COQ5: variants seen among roughly 807,000 people sequenced by gnomAD.
COQ5 encodes coenzyme Q5, methyltransferase, also known as 2-methoxy-6-polyprenyl-1,4-benzoquinol methylase, mitochondrial.
In COQ5, 27 loss-of-function variants were observed where a neutral mutation model predicts 40.5. The ratio of observed to expected loss-of-function variants is 0.67; its 90% CI spans 0.49 to 0.92. The LOEUF (loss-of-function observed/expected upper bound fraction) is 0.92, where lower values mean the gene tolerates loss of function less well. Ranked by LOEUF, COQ5 falls within the 40% of genes least tolerant of loss-of-function variation. The pLI, the probability that COQ5 is intolerant of heterozygous loss-of-function variation, is 0.00. For synonymous variants in COQ5, 141 were observed against 150.0 expected (o/e 0.94, Z 0.44); for missense variants, 409 against 406.4 (o/e 1.01, Z -0.06).
chr12:120,529,065 A>G lies in COQ5; in HGVS notation c.77T>C (p.Leu26Pro). The G allele has an allele frequency of 6.2e-7, 1 of 1,614,148 alleles. No individual in the cohort carries two copies. Among genetic ancestry groups the G allele is most frequent in the Non-Finnish European group, 8.5e-7 (1 of 1,180,016 alleles). ...GWSRAMRGCQ[L>P]LGLRSSWPGD... ...GGGCCAAGAGCTACGAAGCCCGAGG[A>G]GCTGGCAGCCCCGCATCGCCCGCGA... The change falls in exon 1 of 7, where the codon CTC (leucine) becomes CCC (proline). Residue 26 changes from leucine to proline, a missense_variant. Leu to Pro is a moderately conservative substitution (Grantham distance 98). Coordinates refer to ENST00000288532, the MANE Select transcript of COQ5 (RefSeq NM_032314.4).
At chr12:120,510,158 G>A (rs768986390) in intron 3 of COQ5, 35 bp from the exon 4 acceptor site, 12 of 1,528,926 alleles carry the variant, frequency 7.8e-6, no homozygotes, top group South Asian at 1.1e-5. Context: ...TCTCAGTGTG[G>A]GTAGCTGTTT....
intron 2 of COQ5, among the ~76,000 whole-genome samples, chr12:120,520,796 C>T (rs979172741): frequency 6.6e-5 from 10 of 151,998 alleles, no homozygotes; most frequent in African/African-American, 2.2e-4. Context: ...ATCACCAAGA[C>T]GCATTGTGTA....
chr12:120,518,243 T>C (rs1200236199), intron 2 of COQ5, among the ~76,000 whole-genome samples: 1 of 151,952 alleles, frequency 6.6e-6, no homozygotes, highest in East Asian at 1.9e-4. Flanking sequence ...CTGGGTAACA[T>C]GGTGAAACTC....
rs1268314044 is a variant in COQ5, at chr12:120,504,998, GAAC to G, written c.682-18_682-16del. 1 of 1,607,048 alleles carries G rather than the reference GAAC, an allele frequency of 6.2e-7. No homozygotes were observed. Among genetic ancestry groups the G allele is most frequent in the Non-Finnish European group, 8.5e-7 (1 of 1,173,694 alleles). On this transcript the variant is annotated splice_polypyrimidine_tract_variant and intron_variant, in intron 4 of 6. Transcript: ENST00000288532. Reference sequence around the variant, plus strand: ...TCCTGGAGTGCCTGAGCAAGACAAGGAACAACAGGACACACTCCTCAGTAGACC... The same window carrying G: ...TCCTGGAGTGCCTGAGCAAGACAAGGAACAGGACACACTCCTCAGTAGACC...
intron 3 of COQ5, 84 bp downstream of exon 3, chr12:120,516,482 TA>T (rs1270438137): frequency 8.4e-7 from 1 of 1,183,520 alleles, no homozygotes; most frequent in African/African-American, 1.5e-5. Flanking sequence ...AGCCAAAAGA[TA>T]AAGCATTTCA....
At chr12:120,504,368 G>T (rs1383301301) in intron 5 of COQ5, among the ~76,000 whole-genome samples, 1 of 150,792 alleles carries the variant, frequency 6.6e-6, no homozygotes, top group Non-Finnish European at 1.5e-5. Context: ...CTCAAGTGAA[G>T]CTGGAAATTC....
chr12:120,505,410 T>C (rs1317892664), intron 4 of COQ5, among the ~76,000 whole-genome samples: 1 of 152,104 alleles, frequency 6.6e-6, no homozygotes, highest in Non-Finnish European at 1.5e-5. Flanking sequence ...TTTTTTGCAA[T>C]GGAGCCTTGC....
At chr12:120,517,516 C>CA (rs34585711) in intron 2 of COQ5, among the ~76,000 whole-genome samples, 36,407 of 127,518 alleles carry the variant, frequency 0.29, 5,612 homozygotes, top group Admixed American at 0.4. Flanking sequence ...TAAAAAAATA[C>CA]AAAAAAAAAA....
chr12:120,524,791 G>A (rs1412558977), intron 1 of COQ5, among the ~76,000 whole-genome samples: 2 of 151,734 alleles, frequency 1.3e-5, no homozygotes, highest in Non-Finnish European at 2.9e-5. Flanking sequence ...CTCAACCTTC[G>A]GATTTCCAAG....
chr12:120,526,611 G>A, intron 1 of COQ5: 1 of 267,354 alleles, frequency 3.7e-6, no homozygotes, highest in Non-Finnish European at 7.5e-6. Flanking sequence ...TAAAAACTTA[G>A]AAAGAAATAT....
intron 2 of COQ5, among the ~76,000 whole-genome samples, chr12:120,518,803 T>C (rs1459259561): frequency 6.6e-6 from 1 of 152,212 alleles, no homozygotes; most frequent in Non-Finnish European, 1.5e-5. Context: ...GACCTCGTGA[T>C]CCACACGCCT....
At chr12:120,511,429 C>G (rs1235821133) in intron 3 of COQ5, among the ~76,000 whole-genome samples, 3 of 152,038 alleles carry the variant, frequency 2.0e-5, no homozygotes, top group African/African-American at 4.8e-5. Flanking sequence ...CTCATACCAA[C>G]TCTGTGAGAG....
chr12:120,505,838 G>C (rs1231616735), intron 4 of COQ5, among the ~76,000 whole-genome samples: 2 of 150,722 alleles, frequency 1.3e-5, no homozygotes, highest in African/African-American at 2.4e-5. Flanking sequence ...TTACAGGTGT[G>C]AGCCACCGCA....
At position 120,503,385 on chromosome 12, in the gene COQ5, A is replaced by G. The variant is rs1342728215; in HGVS notation, c.*399T>C. On this transcript the variant is annotated 3_prime_UTR_variant, in exon 7 of 7. Coordinates refer to ENST00000288532, the MANE Select transcript of COQ5 (RefSeq NM_032314.4). ...AGGCTGAAAGGTTGATTCAGGTACA[A>G]TTAAATTTTCTGGTTAAAAATTGTC... 2 of 367,506 alleles carry G rather than the reference A, an allele frequency of 5.4e-6. No homozygotes were observed. Among genetic ancestry groups the G allele is most frequent in the African/African-American group, 2.1e-5 (1 of 47,092 alleles). The allele number at this position is 367,506 out of a possible 1,614,324, so 22.8% of individuals were successfully genotyped here. A position where few individuals can be genotyped will look rare whatever the true frequency, so the allele number is the denominator to read the frequency against.
At chr12:120,527,295 A>C (rs575750017) in intron 1 of COQ5, 1 of 151,952 alleles carries the variant, frequency 6.6e-6, no homozygotes, top group Non-Finnish European at 1.5e-5. Context: ...CACGTTGGCC[A>C]GGCTGGTCTC....
At position 120,503,561 on chromosome 12, in the gene COQ5, G is replaced by T; in HGVS notation, c.*223C>A. The stretch of plus-strand genomic sequence containing the variant: ...AAATTAGCAGTTGAGCAAAGATACA[G>T]ACCAAATGCCTCTGGGAGATGGACT... On this transcript the variant is annotated 3_prime_UTR_variant, in exon 7 of 7. Coordinates refer to ENST00000288532, the MANE Select transcript of COQ5 (RefSeq NM_032314.4). 1.5e-6 allele frequency: 1 copy of T among 657,242 alleles called. No individual in the cohort carries two copies. The highest frequency in any genetic ancestry group is 2.8e-6 in the Non-Finnish European group (1 of 356,192). 40.7% of individuals were successfully genotyped at this position (657,242 alleles called of 1,614,324 possible).
At chr12:120,510,174 G>GC (rs1243576830) in intron 3 of COQ5, 51 bp from the exon 4 acceptor site, 7 of 1,394,992 alleles carry the variant, frequency 5.0e-6, no homozygotes. Flanking sequence ...TGTTTTTCCT[G>GC]CCCCCAGTGA....
At chr12:120,508,047 G>C (rs895988719) in intron 4 of COQ5, among the ~76,000 whole-genome samples, 5 of 152,126 alleles carry the variant, frequency 3.3e-5, no homozygotes, top group African/African-American at 9.6e-5. Context: ...CCCAGGCGGA[G>C]TGCAGTGGTG....
intron 1 of COQ5, among the ~76,000 whole-genome samples, chr12:120,528,396 T>C (rs1870064801): frequency 6.6e-6 from 1 of 152,188 alleles, no homozygotes; most frequent in African/African-American, 2.4e-5. Flanking sequence ...TGTAATATGG[T>C]AATAACAATA....
Sources: gnomAD v4.1 joint callset for allele counts (sites outside exome capture counted in the v4.1 genomes callset) on GRCh38, gnomAD v4.1.1 for gene constraint, MANE v1.5 for transcripts, NCBI Gene and HGNC (gene_info 2026-07-23, HGNC 2026-07-21) for gene names.